The following EIF4ENIF1 variants were observed in gnomAD, a reference collection of about 807,000 sequenced individuals.
EIF4ENIF1 encodes eukaryotic translation initiation factor 4E nuclear import factor 1.
Under a neutral mutation model 110.5 loss-of-function variants are expected in EIF4ENIF1, and 23 were observed. That is an observed-to-expected ratio of 0.21 (90% CI 0.15 to 0.29). The LOEUF (loss-of-function observed/expected upper bound fraction) is 0.29. Ranked by LOEUF, EIF4ENIF1 falls within the 10% of genes least tolerant of loss-of-function variation. The pLI is 1.00. For synonymous variants in EIF4ENIF1, 440 were observed against 437.0 expected (o/e 1.01, Z -0.09); for missense variants, 1,031 against 1,221.1 (o/e 0.84, Z 2.32).
Position 31,471,317 on chromosome 22 carries a change from C to T in EIF4ENIF1, c.170+527G>A, listed in dbSNP as rs930687927. Among the ~76,000 whole-genome samples, 197 of 140,678 alleles carry T rather than the reference C, an allele frequency of 1.4e-3. 1 individual carries two copies. The highest frequency in any genetic ancestry group is 3.6e-3 in the Middle Eastern group (1 of 274). The allele number at this position is 140,678 out of a possible 152,430, so 92.3% of individuals were successfully genotyped here. ...CTGGTGAGGACTCCTGGGTTCAAGT[C>T]TTTTTTTTTTTTTTTGAGACGGAAT... On this transcript the variant is annotated intron_variant, in intron 3 of 18. Coordinates refer to ENST00000330125, the MANE Select transcript of EIF4ENIF1 (RefSeq NM_019843.4).
chr22:31,466,941 T>C (rs950942944), intron 4 of EIF4ENIF1, among the ~76,000 whole-genome samples: 2 of 152,188 alleles, frequency 1.3e-5, no homozygotes, highest in African/African-American at 4.8e-5. Flanking sequence ...TCCTAGAATG[T>C]TCTGTTGTGT....
chr22:31,454,077 T>G, intron 10 of EIF4ENIF1, 67 bp downstream of exon 10: 1 of 1,424,214 alleles, frequency 7.0e-7, no homozygotes. Context: ...AAAAATCCTT[T>G]TATTGTGGTG....
intron 11 of EIF4ENIF1, among the ~76,000 whole-genome samples, chr22:31,450,027 G>A (rs141338044): frequency 6.6e-6 from 1 of 152,276 alleles, no homozygotes; most frequent in African/African-American, 2.4e-5. Context: ...CACCGTGCCT[G>A]GCTAGATACT....
At chr22:31,474,299 G>A (rs1207969835) in intron 2 of EIF4ENIF1, among the ~76,000 whole-genome samples, 1 of 152,044 alleles carries the variant, frequency 6.6e-6, no homozygotes, top group Non-Finnish European at 1.5e-5. Context: ...GACCTCAAGT[G>A]ATCTGCCTGT....
intron 14 of EIF4ENIF1, among the ~76,000 whole-genome samples, chr22:31,446,285 C>CAAA (rs3068275): frequency 9.5e-6 from 1 of 105,694 alleles, no homozygotes; most frequent in Non-Finnish European, 1.8e-5. Context: ...AGATTGTCTC[C>CAAA]AAAAAAAAAA....
At chr22:31,447,681 C>T (rs2050518312) in intron 13 of EIF4ENIF1, 116 bp from the exon 14 acceptor site, 1 of 1,110,786 alleles carries the variant, frequency 9.0e-7, no homozygotes, top group Non-Finnish European at 1.2e-6. Context: ...AAATTAGATA[C>T]TGCGAAACTG....
In EIF4ENIF1 at chr22:31,440,060, C is replaced by T. The variant is rs1280846073; in HGVS notation, c.2778G>A (p.Gln926=). 1 of 1,614,052 alleles carries T rather than the reference C, an allele frequency of 6.2e-7. No individual in the cohort carries two copies. Among genetic ancestry groups the T allele is most frequent in the Admixed American group, 1.7e-5 (1 of 60,000 alleles). Residue 926 remains glutamine, a synonymous_variant, in exon 19 of 19, where the codon CAG becomes CAA. Transcript: ENST00000330125. ...AAAVSVQTTP[Q]NVPSRSGLPH... ...GCAGGCCTGACCGGCTGGGCACGTT[C>T]TGAGGGGTTGTCTGAACGCTGACAG...
At chr22:31,453,100 G>A (rs1247028526) in intron 10 of EIF4ENIF1, among the ~76,000 whole-genome samples, 1 of 152,144 alleles carries the variant, frequency 6.6e-6, no homozygotes, top group African/African-American at 2.4e-5. Flanking sequence ...ATAAGTCCAT[G>A]TTTATGTTTT....
intron 2 of EIF4ENIF1, 51 bp from the exon 3 acceptor site, chr22:31,471,968 C>A (rs1446114302): frequency 9.9e-6 from 14 of 1,407,604 alleles, no homozygotes; most frequent in Non-Finnish European, 1.3e-5. Flanking sequence ...TTAGGCCACA[C>A]ACTTTAAACT....
chr22:31,456,521 T>G (rs1176172102), intron 7 of EIF4ENIF1, among the ~76,000 whole-genome samples: 2 of 147,300 alleles, frequency 1.4e-5, no homozygotes, highest in South Asian at 2.1e-4. Flanking sequence ...CCACACCCGG[T>G]CTACTATTTT....
At position 31,455,232 on chromosome 22, in the gene EIF4ENIF1, T is replaced by C. The variant is rs1328474858; in HGVS notation, c.1183A>G (p.Lys395Glu). The C allele has an allele frequency of 1.2e-6, 2 of 1,614,052 alleles. No individual in the cohort carries two copies. The highest frequency in any genetic ancestry group is 1.7e-6 in the Non-Finnish European group (2 of 1,179,988). ...PIPLEDHAEN[K>E]VDILEMLQKA... ...TGTAGCATTTCTAAAATATCCACTT[T>C]ATTTTCAGCATGGTCTTCCAATGGT... Residue 395 changes from lysine (K) to glutamate (E), a missense_variant, in exon 9 of 19, where the codon AAA (lysine) becomes GAA (glutamate). Lys to Glu is a moderately conservative substitution (Grantham distance 56). Coordinates refer to ENST00000330125, the MANE Select transcript of EIF4ENIF1 (RefSeq NM_019843.4).
chr22:31,444,462 TA>T, intron 15 of EIF4ENIF1, 143 bp downstream of exon 15: 3 of 763,240 alleles, frequency 3.9e-6, no homozygotes, highest in Non-Finnish European at 6.8e-6. Flanking sequence ...GGGAAAGACC[TA>T]ATAGACAGTT....
intron 2 of EIF4ENIF1, among the ~76,000 whole-genome samples, chr22:31,477,789 G>A (rs1049465356): frequency 6.6e-6 from 1 of 152,014 alleles, no homozygotes; most frequent in Admixed American, 6.6e-5. Flanking sequence ...AATGGGCTTA[G>A]AAACAAGACA....
chr22:31,437,935 A>G (rs1158782695), downstream of EIF4ENIF1: 1 of 152,230 alleles, frequency 6.6e-6, no homozygotes, highest in African/African-American at 2.4e-5. Flanking sequence ...AGGCTGAAAG[A>G]AAAGTACCAG....
rs574243014 is a variant in EIF4ENIF1, at chr22:31,447,103, C to T, written c.1988+323G>A. 2.4e-5 allele frequency: 10 copies of T among 409,826 alleles called. No homozygotes were observed. In the East Asian group the frequency reaches 7.2e-4, roughly 30 times the overall value. The allele number at this position is 409,826 out of a possible 1,614,324, so 25.4% of individuals were successfully genotyped here. On this transcript the variant is annotated intron_variant, in intron 14 of 18. Coordinates refer to ENST00000330125, the MANE Select transcript of EIF4ENIF1 (RefSeq NM_019843.4). ...ATCCTAAGATTTTAAAATATATTTA[C>T]TCATAACAATCTTGTGAGGTAAATT...
chr22:31,448,157 G>T lies in EIF4ENIF1; in HGVS notation c.1844C>A (p.Ala615Asp), dbSNP rs967780440. The T allele has an allele frequency of 6.2e-7, 1 of 1,614,068 alleles. No individual in the cohort carries two copies. Among genetic ancestry groups the T allele is most frequent in the African/African-American group, 1.3e-5 (1 of 74,932 alleles). Residue 615 changes from alanine (A) to aspartate (D), a missense_variant, in exon 13 of 19, where the codon GCC (alanine) becomes GAC (aspartate). By Grantham distance (126) the Ala-to-Asp change is moderately radical. Coordinates refer to ENST00000330125, the MANE Select transcript of EIF4ENIF1 (RefSeq NM_019843.4). ...GMRKPMSPIT[A>D]QMSQLELQQA... is the part of the protein sequence containing the mutation. ...TTTGAGAAAGCTCAGCCTGACCTGG[G>T]CTGTGATGGGGCTCATGGGTTTGCG...
At chr22:31,458,940 T>G in intron 6 of EIF4ENIF1, among the ~76,000 whole-genome samples, 1 of 149,820 alleles carries the variant, frequency 6.7e-6, no homozygotes, top group East Asian at 1.9e-4. Flanking sequence ...TTTTTTTTTT[T>G]TTTTTGAGAT....
At chr22:31,456,751 C>T (rs2050844620) in intron 7 of EIF4ENIF1, among the ~76,000 whole-genome samples, 4 of 150,476 alleles carry the variant, frequency 2.7e-5, no homozygotes, top group Admixed American at 2.0e-4. Context: ...AACTTCTGAC[C>T]TCAAATGATC....
intron 15 of EIF4ENIF1, 179 bp from the exon 16 acceptor site, chr22:31,443,273 C>T: frequency 1.3e-6 from 1 of 785,474 alleles, no homozygotes. Context: ...TAGGCAGTGT[C>T]CCAAGTACAT....
Sources: allele counts gnomAD v4.1 joint callset (sites outside exome capture counted in the v4.1 genomes callset), GRCh38; gene constraint gnomAD v4.1.1; transcripts MANE v1.5; gene names NCBI Gene and HGNC (gene_info 2026-07-23, HGNC 2026-07-21).